Variants in BICC1 observed in about 807,000 individuals in gnomAD.
The protein encoded by BICC1 is protein bicaudal C homolog 1.
Under a neutral mutation model 111.0 loss-of-function variants are expected in BICC1, and 43 were observed. The observed-to-expected ratio is 0.39, with a 90% CI of 0.30 to 0.50. The LOEUF (loss-of-function observed/expected upper bound fraction) is 0.50. Among genes scored for constraint, BICC1 ranks in the 20% least tolerant of loss-of-function variants. The pLI is 0.88. For synonymous variants in BICC1, 467 were observed against 434.4 expected, an observed-to-expected ratio of 1.07 and a Z score of -0.93; for missense variants, 1,091 against 1,203.2, an observed-to-expected ratio of 0.91 and a Z score of 1.38.
At chr10:58,753,816 A>G (rs896940198) in intron 3 of BICC1, among the ~76,000 whole-genome samples, 3 of 152,070 alleles carry the variant, frequency 2.0e-5, no homozygotes, top group African/African-American at 7.2e-5. Context: ...TATATGCTGG[A>G]CAAAGGCCCT....
chr10:58,636,581 T>TCTC (rs200677624), intron 2 of BICC1, among the ~76,000 whole-genome samples: 1 of 149,146 alleles, frequency 6.7e-6, no homozygotes, highest in Admixed American at 6.6e-5. Context: ...CACATCATTG[T>TCTC]CTCCTCCTCC....
chr10:58,567,665 G>A (rs1843811301), intron 1 of BICC1, among the ~76,000 whole-genome samples: 2 of 151,868 alleles, frequency 1.3e-5, no homozygotes, highest in Non-Finnish European at 2.9e-5. Context: ...TGAATGCTGT[G>A]CCTGTAATTG....
intron 3 of BICC1, among the ~76,000 whole-genome samples, chr10:58,779,550 T>G (rs1426041743): frequency 6.6e-6 from 1 of 152,226 alleles, no homozygotes; most frequent in East Asian, 1.9e-4. Context: ...TTTAAGAACC[T>G]TATAGTACTA....
chr10:58,726,037 G>T (rs1281957477), intron 3 of BICC1, among the ~76,000 whole-genome samples: 1 of 152,126 alleles, frequency 6.6e-6, no homozygotes, highest in African/African-American at 2.4e-5. Context: ...AAATTTCTCT[G>T]CTGTATTTCT....
At chr10:58,712,791 A>G (rs1429865776) in intron 3 of BICC1, among the ~76,000 whole-genome samples, 1 of 152,156 alleles carries the variant, frequency 6.6e-6, no homozygotes, top group East Asian at 1.9e-4. Flanking sequence ...GTCATTGTAC[A>G]TTTGTCAAGG....
intron 2 of BICC1, among the ~76,000 whole-genome samples, chr10:58,668,090 G>A (rs533247342): frequency 3.1e-4 from 47 of 152,068 alleles, no homozygotes; most frequent in African/African-American, 9.9e-4. Flanking sequence ...ACGGTCATCC[G>A]GCTTTTAAGA....
chr10:58,658,062 G>C (rs376657287), intron 2 of BICC1, among the ~76,000 whole-genome samples: 1 of 152,110 alleles, frequency 6.6e-6, no homozygotes, highest in South Asian at 2.1e-4. Context: ...TGAATGATGA[G>C]TTTTTTCACT....
intron 4 of BICC1, among the ~76,000 whole-genome samples, chr10:58,785,691 G>A (rs951718809): frequency 2.6e-5 from 4 of 152,084 alleles, no homozygotes; most frequent in African/African-American, 9.7e-5. Context: ...TGTATACCAG[G>A]CACTTCGCTA....
chr10:58,694,381 A>G (rs1840008658), intron 2 of BICC1, among the ~76,000 whole-genome samples: 1 of 152,222 alleles, frequency 6.6e-6, no homozygotes, highest in African/African-American at 2.4e-5. Context: ...GTGATTGGTC[A>G]CTGATCCAGA....
chr10:58,608,076 T>C (rs990851355), intron 1 of BICC1, among the ~76,000 whole-genome samples: 1 of 152,214 alleles, frequency 6.6e-6, no homozygotes, highest in African/African-American at 2.4e-5. Flanking sequence ...AGAAACAATA[T>C]ATGGGTATCA....
At chr10:58,777,748 C>A (rs1842785820) in intron 3 of BICC1, among the ~76,000 whole-genome samples, 1 of 152,038 alleles carries the variant, frequency 6.6e-6, no homozygotes, top group Non-Finnish European at 1.5e-5. Flanking sequence ...AAAAAAGAAT[C>A]TTGATATGAA....
intron 3 of BICC1, among the ~76,000 whole-genome samples, chr10:58,772,279 A>G (rs761365276): frequency 2.0e-5 from 3 of 151,720 alleles, no homozygotes; most frequent in Non-Finnish European, 4.4e-5. Context: ...AATACACAAG[A>G]TTTTTTTTTA....
At chr10:58,752,461 C>T (rs1842016508) in intron 3 of BICC1, among the ~76,000 whole-genome samples, 2 of 152,120 alleles carry the variant, frequency 1.3e-5, no homozygotes. Context: ...TTCGGAATGC[C>T]ATCAGAACCT....
intron 2 of BICC1, among the ~76,000 whole-genome samples, chr10:58,635,480 C>G (rs1260466047): frequency 3.9e-5 from 6 of 152,162 alleles, no homozygotes; most frequent in Non-Finnish European, 1.5e-5. Context: ...TGTGATGTAG[C>G]TATACAACAG....
intron 1 of BICC1, among the ~76,000 whole-genome samples, chr10:58,618,375 A>T (rs1335320819): frequency 1.3e-5 from 2 of 152,236 alleles, no homozygotes; most frequent in African/African-American, 4.8e-5. Context: ...CGTGAGGTGC[A>T]TTAGGTGATC....
chr10:58,759,258 C>G (rs1315078140), intron 3 of BICC1, among the ~76,000 whole-genome samples: 1 of 151,916 alleles, frequency 6.6e-6, no homozygotes, highest in Non-Finnish European at 1.5e-5. Flanking sequence ...CCACACCTGG[C>G]CTGATCATTA....
chr10:58,759,282 A>G (rs1842236355), intron 3 of BICC1, among the ~76,000 whole-genome samples: 1 of 152,106 alleles, frequency 6.6e-6, no homozygotes. Context: ...TATTTAAGAG[A>G]GTGGCAATAT....
chr10:58,686,254 C>A (rs965280976), intron 2 of BICC1, among the ~76,000 whole-genome samples: 3 of 152,186 alleles, frequency 2.0e-5, no homozygotes, highest in Admixed American at 6.5e-5. Flanking sequence ...TGATGGGATT[C>A]CCTTTGTGGG....
intron 2 of BICC1, among the ~76,000 whole-genome samples, chr10:58,656,752 C>A (rs1051632075): frequency 1.3e-5 from 2 of 152,082 alleles, no homozygotes; most frequent in Non-Finnish European, 2.9e-5. Flanking sequence ...AATTTTATTC[C>A]CTAAGTTCCT....
Sources: allele counts gnomAD v4.1 joint callset (sites outside exome capture counted in the v4.1 genomes callset), GRCh38; gene constraint gnomAD v4.1.1; transcripts MANE v1.5; gene names NCBI Gene and HGNC (gene_info 2026-07-23, HGNC 2026-07-21).